The following UBOX5 variants were observed in gnomAD, a reference collection of about 807,000 sequenced individuals.
The protein encoded by UBOX5 is U-box domain containing 5.
A neutral mutation model predicts 39.0 loss-of-function variants in UBOX5; 28 were observed. That is an observed-to-expected ratio of 0.72 (90% CI 0.53 to 0.98). The LOEUF is 0.98. Among genes scored for constraint, UBOX5 ranks in the 50% least tolerant of loss-of-function variants. The probability of loss-of-function intolerance (pLI) is 0.00; values close to 1 mark genes in which losing one functional copy is unlikely to be tolerated. For synonymous variants in UBOX5, 283 were observed against 275.5 expected (o/e 1.03, Z -0.27); for missense variants, 585 against 674.4 (o/e 0.87, Z 1.47).
At chr20:3,142,866 G>A (rs2066529617) in intron 1 of UBOX5, among the ~76,000 whole-genome samples, 1 of 149,160 alleles carries the variant, frequency 6.7e-6, no homozygotes, top group African/African-American at 2.5e-5. Context: ...ACAAGACAAA[G>A]ATGCCTACTT....
chr20:3,146,954 T>A (rs773773137), intron 1 of UBOX5: 2 of 1,614,218 alleles, frequency 1.2e-6, no homozygotes, highest in South Asian at 2.2e-5. Context: ...ATAGCAATAC[T>A]GGTTCCTGTT....
intron 1 of UBOX5, among the ~76,000 whole-genome samples, chr20:3,125,268 C>T (rs1335537613): frequency 2.9e-5 from 4 of 139,972 alleles, no homozygotes; most frequent in African/African-American, 8.0e-5. Context: ...CCGGCTGCCC[C>T]GTCTGGGAGG....
chr20:3,154,871 T>C (rs2066667678), intron 1 of UBOX5, among the ~76,000 whole-genome samples: 1 of 151,700 alleles, frequency 6.6e-6, no homozygotes, highest in Non-Finnish European at 1.5e-5. Flanking sequence ...ACAAGAGACC[T>C]AGAGCCTCAA....
At chr20:3,158,810 A>G (rs2066716751) in intron 1 of UBOX5, among the ~76,000 whole-genome samples, 1 of 152,244 alleles carries the variant, frequency 6.6e-6, no homozygotes, top group African/African-American at 2.4e-5. Flanking sequence ...GTAGCAAACT[A>G]TCCAAGGACT....
intron 1 of UBOX5, among the ~76,000 whole-genome samples, chr20:3,145,160 CTT>C (rs879764164): frequency 7.0e-6 from 1 of 143,678 alleles, no homozygotes; most frequent in Admixed American, 7.0e-5. Context: ...CTTTGAGAGC[CTT>C]TTTTTTTTTT....
intron 1 of UBOX5, chr20:3,148,380 T>G: frequency 1.2e-6 from 2 of 1,614,160 alleles, no homozygotes; most frequent in Non-Finnish European, 8.5e-7. Flanking sequence ...TGGCAACACT[T>G]GGTCTCATAC....
intron 4 of UBOX5, among the ~76,000 whole-genome samples, chr20:3,110,881 C>G (rs857246): frequency 6.6e-6 from 1 of 151,622 alleles, no homozygotes; most frequent in Non-Finnish European, 1.5e-5. Flanking sequence ...TGGTCCAGTG[C>G]ACCAAGGTTG....
chr20:3,114,415 T>TA (rs371977669), intron 4 of UBOX5, among the ~76,000 whole-genome samples: 2 of 152,002 alleles, frequency 1.3e-5, no homozygotes, highest in Non-Finnish European at 2.9e-5. Context: ...CTCCATCTCG[T>TA]AAAAAATGCC....
intron 1 of UBOX5, among the ~76,000 whole-genome samples, chr20:3,158,424 TTA>T (rs1041485498): frequency 6.6e-6 from 1 of 152,218 alleles, no homozygotes; most frequent in African/African-American, 2.4e-5. Context: ...ACTTTTTAAG[TTA>T]TGTTATGCAG....
At chr20:3,135,288 A>C (rs185592679) in intron 1 of UBOX5, among the ~76,000 whole-genome samples, 1 of 152,130 alleles carries the variant, frequency 6.6e-6, no homozygotes, top group Non-Finnish European at 1.5e-5. Context: ...AGGGACAGAC[A>C]CTCCATATTA....
chr20:3,158,676 A>G (rs553442101), intron 1 of UBOX5, among the ~76,000 whole-genome samples: 2,075 of 152,094 alleles, frequency 0.014, 50 homozygotes, highest in African/African-American at 0.046. Context: ...GGGTTTCACC[A>G]TATTAGCCAA....
chr20:3,120,378 G>A (rs2066325194), intron 3 of UBOX5, among the ~76,000 whole-genome samples: 1 of 144,800 alleles, frequency 6.9e-6, no homozygotes, highest in Admixed American at 7.0e-5. Flanking sequence ...GTCGAGTGCA[G>A]TGGCTTACAT....
intron 1 of UBOX5, among the ~76,000 whole-genome samples, chr20:3,136,362 TA>T (rs2066472099): frequency 6.6e-6 from 1 of 150,478 alleles, no homozygotes. Context: ...TTTTATTTTT[TA>T]TTTTTTTTGA....
chr20:3,130,781 C>T lies in UBOX5; in HGVS notation c.-41-7375G>A, dbSNP rs1403220189. Among the ~76,000 whole-genome samples, 36 of 139,170 alleles carry T rather than the reference C, an allele frequency of 2.6e-4. No individual in the cohort carries two copies. In the East Asian group the frequency reaches 6.0e-3, roughly 23 times the overall value. 91.3% of individuals were successfully genotyped at this position (139,170 alleles called of 152,430 possible). A position where few individuals can be genotyped will look rare whatever the true frequency, so the allele number is the denominator to read the frequency against. ...TTTAACACATTTTCAGTTGTTTTTGCTTTTTTTTTTTTTACAATCCTATTA... is the reference window on the plus strand; with the variant it reads ...TTTAACACATTTTCAGTTGTTTTTGTTTTTTTTTTTTTTACAATCCTATTA... On this transcript the variant is annotated intron_variant, in intron 1 of 4. Coordinates refer to ENST00000217173, the MANE Select transcript of UBOX5 (RefSeq NM_014948.4).
At chr20:3,159,097 C>A (rs1272215539) in intron 1 of UBOX5, among the ~76,000 whole-genome samples, 1 of 152,154 alleles carries the variant, frequency 6.6e-6, no homozygotes, top group Non-Finnish European at 1.5e-5. Flanking sequence ...GACAGAAGAG[C>A]TGTGTCACGG....
chr20:3,125,152 C>A (rs374948379), intron 1 of UBOX5, among the ~76,000 whole-genome samples: 17 of 143,470 alleles, frequency 1.2e-4, no homozygotes, highest in African/African-American at 4.3e-4. Flanking sequence ...TGGCAGCCAC[C>A]CCATCTGGGA....
rs774343771 is a variant in UBOX5, at chr20:3,121,525, C to T, written c.1114G>A (p.Val372Ile). 6.2e-7 allele frequency: 1 copy of T among 1,613,582 alleles called. No homozygotes were observed. The highest frequency in any genetic ancestry group is 1.3e-5 in the African/African-American group (1 of 74,878). The change falls in exon 3 of 5, where the codon GTC becomes ATC. Residue 372 changes from valine (V) to isoleucine (I), a missense_variant. Physicochemically the swap from Val to Ile is conservative, Grantham distance 29. Transcript: ENST00000217173. ...QKRKIEQAEHVPDSNFGVNAS... is the reference protein window; with the variant it reads ...QKRKIEQAEHIPDSNFGVNAS... ...TTTACACCAAAGTTACTGTCTGGGACATGTTCAGCCTGCTCTATCTTCCTT... is the reference window on the plus strand; with the variant it reads ...TTTACACCAAAGTTACTGTCTGGGATATGTTCAGCCTGCTCTATCTTCCTT...
At chr20:3,141,540 G>C (rs1441516054) in intron 1 of UBOX5, among the ~76,000 whole-genome samples, 3 of 152,042 alleles carry the variant, frequency 2.0e-5, no homozygotes, top group Admixed American at 6.6e-5. Context: ...TAGCTCCTTG[G>C]GAGGCTTAGG....
chr20:3,148,517 G>A, intron 1 of UBOX5: 1 of 1,614,108 alleles, frequency 6.2e-7, no homozygotes, highest in Non-Finnish European at 8.5e-7. Flanking sequence ...AGCAAAGCTG[G>A]TACTGCCCAG....
Sources: allele counts gnomAD v4.1 joint callset (sites outside exome capture counted in the v4.1 genomes callset), GRCh38; gene constraint gnomAD v4.1.1; transcripts MANE v1.5; gene names NCBI Gene and HGNC (gene_info 2026-07-23, HGNC 2026-07-21).